Variants in BBS9 observed in about 807,000 individuals in gnomAD.
BBS9 encodes Bardet-Biedl syndrome 9.
Under a neutral mutation model 117.7 loss-of-function variants are expected in BBS9, and 89 were observed. The observed-to-expected ratio is 0.76, with a 90% confidence interval of 0.64 to 0.90. BBS9 has a LOEUF of 0.90. BBS9 is among the 40% of genes least tolerant of loss of function. The pLI is 0.00. For missense variants in BBS9, 982 were observed against 1,042.2 expected (o/e 0.94, Z 0.80); for synonymous variants, 379 against 370.9 (o/e 1.02, Z -0.25).
At position 33,363,675 on chromosome 7, in the gene BBS9, AT is replaced by A. The variant is rs1821064981; in HGVS notation, c.1694-4086del. ...CATTAAGTATGTTTTAGCTATAAGT[AT>A]TTTTTAGATTTTTTTTTTTTTTTTA... On this transcript the variant is annotated intron_variant, in intron 16 of 22. Transcript: ENST00000242067. 2.0e-5 allele frequency among the ~76,000 whole-genome samples: 3 copies of A among 149,342 alleles called. No homozygotes were observed. In the South Asian group the frequency reaches 6.3e-4, roughly 31 times the overall value.
intron 21 of BBS9, among the ~76,000 whole-genome samples, chr7:33,557,675 A>G (rs1473177213): frequency 6.6e-6 from 1 of 152,190 alleles, no homozygotes; most frequent in South Asian, 2.1e-4. Context: ...ACTAATCTGC[A>G]CATGAATTTG....
intron 9 of BBS9, among the ~76,000 whole-genome samples, chr7:33,336,079 A>G (rs576802680): frequency 1.3e-5 from 2 of 152,290 alleles, no homozygotes; most frequent in South Asian, 2.1e-4. Flanking sequence ...TTGTACCTCC[A>G]AAGTGTTGTT....
chr7:33,404,179 C>T (rs891831163), intron 19 of BBS9, among the ~76,000 whole-genome samples: 2 of 152,100 alleles, frequency 1.3e-5, no homozygotes, highest in African/African-American at 2.4e-5. Flanking sequence ...TTTCTGAGGG[C>T]TCTGTTCTGT....
intron 9 of BBS9, among the ~76,000 whole-genome samples, chr7:33,323,849 T>G (rs921755494): frequency 2.7e-5 from 4 of 145,558 alleles, no homozygotes; most frequent in Non-Finnish European, 6.0e-5. Flanking sequence ...TTTTTTTTTT[T>G]TTTTTTGAGA....
At chr7:33,348,491 A>G (rs1012020726) in intron 12 of BBS9, among the ~76,000 whole-genome samples, 2 of 152,098 alleles carry the variant, frequency 1.3e-5, no homozygotes, top group South Asian at 4.1e-4. Context: ...GGGAATTTGG[A>G]TTATTTCTGC....
At chr7:33,349,372 C>G in intron 13 of BBS9, 1 of 600,344 alleles carries the variant, frequency 1.7e-6, no homozygotes, top group South Asian at 1.5e-5. Context: ...TCAAATTAAT[C>G]TTTTACGATT....
chr7:33,558,802 A>G (rs182038782), intron 21 of BBS9, among the ~76,000 whole-genome samples: 1 of 152,294 alleles, frequency 6.6e-6, no homozygotes, highest in African/African-American at 2.4e-5. Context: ...TTGAAAGTGG[A>G]GAGAGTAGAA....
At chr7:33,590,453 T>TTTTTTGTTTTTTTG (rs151295765) in intron 21 of BBS9, among the ~76,000 whole-genome samples, 2,205 of 108,336 alleles carry the variant, frequency 0.02, 94 homozygotes, top group East Asian at 0.11. Context: ...GTTTTTTTGT[T>TTTTTTGTTTTTTTG]TTTTTGTTTT....
intron 19 of BBS9, among the ~76,000 whole-genome samples, chr7:33,485,017 G>A (rs184438626): frequency 1.3e-3 from 193 of 152,278 alleles, no homozygotes; most frequent in African/African-American, 4.0e-3. Flanking sequence ...GCTAGAAGCC[G>A]TTATCCTCAG....
chr7:33,492,786 G>A (rs1463198075), intron 19 of BBS9, among the ~76,000 whole-genome samples: 7 of 147,340 alleles, frequency 4.8e-5, no homozygotes, highest in Admixed American at 4.2e-4. Context: ...CGTTTGTATA[G>A]CACTTATCAT....
intron 9 of BBS9, among the ~76,000 whole-genome samples, chr7:33,300,094 T>C (rs1806070472): frequency 6.6e-6 from 1 of 152,168 alleles, no homozygotes; most frequent in Non-Finnish European, 1.5e-5. Context: ...AGGGATTTGT[T>C]ATTGGATCCT....
intron 19 of BBS9, among the ~76,000 whole-genome samples, chr7:33,436,230 G>A (rs1835287379): frequency 6.6e-6 from 1 of 152,186 alleles, no homozygotes; most frequent in South Asian, 2.1e-4. Flanking sequence ...TCCTAGAGAT[G>A]TGGGAGCCCT....
At chr7:33,281,401 TC>T (rs1295629320) in intron 9 of BBS9, among the ~76,000 whole-genome samples, 4 of 137,822 alleles carry the variant, frequency 2.9e-5, no homozygotes, top group Non-Finnish European at 6.2e-5. Flanking sequence ...TGAGGCAGGG[TC>T]TCACTCTGTT....
intron 5 of BBS9, among the ~76,000 whole-genome samples, chr7:33,231,397 G>T (rs775064570): frequency 5.0e-5 from 7 of 141,344 alleles, no homozygotes; most frequent in Non-Finnish European, 1.1e-4. Context: ...TTATTTCTTA[G>T]CTCTTTATTC....
At chr7:33,471,824 T>C (rs1841079555) in intron 19 of BBS9, among the ~76,000 whole-genome samples, 1 of 152,184 alleles carries the variant, frequency 6.6e-6, no homozygotes, top group Admixed American at 6.5e-5. Flanking sequence ...TAAAGTGGAA[T>C]TTTCAAAACC....
intron 21 of BBS9, among the ~76,000 whole-genome samples, chr7:33,622,075 T>C (rs748740131): frequency 1.8e-4 from 28 of 152,152 alleles, no homozygotes; most frequent in Non-Finnish European, 3.7e-4. Flanking sequence ...CTGAGTGTGG[T>C]GGCACGCACC....
intron 21 of BBS9, among the ~76,000 whole-genome samples, chr7:33,589,570 A>C (rs1162114365): frequency 6.6e-6 from 1 of 152,114 alleles, no homozygotes; most frequent in East Asian, 1.9e-4. Flanking sequence ...TCCTAACAAA[A>C]TGGACATGAT....
chr7:33,366,564 A>C (rs1821790974), intron 16 of BBS9, among the ~76,000 whole-genome samples: 1 of 23,690 alleles, frequency 4.2e-5, no homozygotes, highest in African/African-American at 1.7e-4. Context: ...TTTTTTTTTG[A>C]GATGGAGTCT....
At chr7:33,449,857 C>T (rs528074319) in intron 19 of BBS9, among the ~76,000 whole-genome samples, 1 of 152,220 alleles carries the variant, frequency 6.6e-6, no homozygotes, top group South Asian at 2.1e-4. Flanking sequence ...CAAACAAACG[C>T]ATAAAGATAT....
Sources: gnomAD v4.1 joint callset for allele counts (sites outside exome capture counted in the v4.1 genomes callset) on GRCh38, gnomAD v4.1.1 for gene constraint, MANE v1.5 for transcripts, NCBI Gene and HGNC (gene_info 2026-07-23, HGNC 2026-07-21) for gene names.